CDH15: variants seen among roughly 807,000 people sequenced by gnomAD.
CDH15 encodes the protein cadherin-15.
Under a neutral mutation model 69.4 loss-of-function variants are expected in CDH15, and 73 were observed. That is an observed-to-expected ratio of 1.05 (90% CI 0.87 to 1.28). The LOEUF is 1.28. Ranked by LOEUF, CDH15 falls within the 50% of genes most tolerant of loss-of-function variation. The pLI is 0.00. For missense variants in CDH15, 1,343 were observed against 1,133.6 expected (o/e 1.18, Z -2.65); for synonymous variants, 624 against 507.7 (o/e 1.23, Z -3.08).
intron 5 of CDH15, chr16:89,185,561 G>T: frequency 3.3e-6 from 2 of 611,324 alleles, no homozygotes; most frequent in Non-Finnish European, 5.9e-6. Flanking sequence ...TAGGGCGTGA[G>T]GGGCCCGGCA....
rs1597303869 is a variant in CDH15, at chr16:89,180,436, T to C, written c.357+81T>C. 3 of 1,464,034 alleles carry C rather than the reference T, an allele frequency of 2.0e-6. No individual in the cohort carries two copies. The East Asian group carries it at 7.3e-5, about 36-fold the overall frequency. The allele number at this position is 1,464,034 out of a possible 1,614,324, so 90.7% of individuals were successfully genotyped here. A position where few individuals can be genotyped will look rare whatever the true frequency, so the allele number is the denominator to read the frequency against. ...GTGCCCCTCCTCCCCACCAGGCTTC[T>C]CCTCCCCGCTCGGTGGGCTTCAGGC... On this transcript the variant is annotated intron_variant, in intron 3 of 13. Coordinates refer to ENST00000289746, the MANE Select transcript of CDH15 (RefSeq NM_004933.3).
In CDH15 at chr16:89,193,546, G is replaced by A. The variant is rs1186400135; in HGVS notation, c.1932G>A (p.Gln644=). The change falls in exon 12 of 14, where the codon CAG becomes CAA. Residue 644 remains glutamine, a synonymous_variant. Coordinates refer to ENST00000289746, the MANE Select transcript of CDH15 (RefSeq NM_004933.3). The part of the protein sequence containing the change: ...SRGKGLLHGP[Q]DDLRDNVLNY... ...GCAAGGGGCTGCTGCACGGCCCCCA[G>A]GACGACCTTCGAGACAATGTCCTCA... 6 of 1,611,682 alleles carry A rather than the reference G, an allele frequency of 3.7e-6. No homozygotes were observed. The highest frequency in any genetic ancestry group is 1.1e-5 in the South Asian group (1 of 90,826).
At chr16:89,189,107 GC>G (rs1915574990) in intron 7 of CDH15, among the ~76,000 whole-genome samples, 2 of 130,392 alleles carry the variant, frequency 1.5e-5, no homozygotes, top group Admixed American at 8.0e-5. Flanking sequence ...ACACACAGAT[GC>G]CCACGCACAG....
intron 1 of CDH15, 136 bp from the exon 2 acceptor site, chr16:89,179,280 G>A (rs1915321987): frequency 7.1e-6 from 7 of 984,302 alleles, no homozygotes; most frequent in African/African-American, 1.6e-5. Context: ...GCCGCCTTGC[G>A]CCAATGGGCA....
At chr16:89,174,016 G>T (rs1276248454) in intron 1 of CDH15, among the ~76,000 whole-genome samples, 2 of 152,238 alleles carry the variant, frequency 1.3e-5, no homozygotes, top group East Asian at 3.8e-4. Context: ...CTGGGGGCCA[G>T]GCAGGGGCTC....
chr16:89,187,862 C>G (rs372912978), intron 6 of CDH15, among the ~76,000 whole-genome samples: 10 of 152,154 alleles, frequency 6.6e-5, no homozygotes, highest in African/African-American at 2.2e-4. Flanking sequence ...GAAGGGAGCA[C>G]GAAGCTGAGC....
rs369372071 is a variant in CDH15 at position 89,185,343 on chromosome 16, C to T, written c.663+10C>T. The T allele has an allele frequency of 8.2e-6, 13 of 1,591,174 alleles. No homozygotes were observed. Among genetic ancestry groups the T allele is most frequent in the African/African-American group, 6.7e-5 (5 of 74,668 alleles). ...GGGGCTGGACCGCGAGGTGAGGTGG[C>T]GCCCCGGCAGCTCCACACCCGCACG... is the stretch of plus-strand genomic sequence containing the variant. On this transcript the variant is annotated intron_variant, in intron 5 of 13. Coordinates refer to ENST00000289746, the MANE Select transcript of CDH15 (RefSeq NM_004933.3).
At chr16:89,190,526 G>T in intron 8 of CDH15, 30 bp downstream of exon 8, 1 of 1,571,316 alleles carries the variant, frequency 6.4e-7, no homozygotes, top group Non-Finnish European at 8.6e-7. Flanking sequence ...GGGAGAGGTA[G>T]AGGAGGCTAA....
rs747532135 is a variant in CDH15, at chr16:89,191,404, T to A, written c.1307T>A (p.Val436Glu). 5 of 1,612,772 alleles carry A rather than the reference T, an allele frequency of 3.1e-6. No homozygotes were observed. In the South Asian group the frequency reaches 5.5e-5, roughly 18 times the overall value. The change falls in exon 9 of 14, where the codon GTG becomes GAG. Residue 436 changes from valine (V) to glutamate (E), a missense_variant. Transcript: ENST00000289746. Reference sequence around the variant, plus strand: ...ACTGGCCGGATCCAGACCCAGCACGTGCTCAGCCCGGCGTCCCCCTTCCTC... The same window carrying A: ...ACTGGCCGGATCCAGACCCAGCACGAGCTCAGCCCGGCGTCCCCCTTCCTC... ...AATGRIQTQHVLSPASPFLKG... is the reference protein window; with the variant it reads ...AATGRIQTQHELSPASPFLKG...
rs777395512 is a variant in CDH15, at chr16:89,194,997, T to C, written c.2287T>C (p.Tyr763His). 7 of 1,612,014 alleles carry C rather than the reference T, an allele frequency of 4.3e-6. No individual in the cohort carries two copies. The highest frequency in any genetic ancestry group is 5.9e-6 in the Non-Finnish European group (7 of 1,179,668). ...CAGCCAGGGCGATGAGGACCAGGAC[T>C]ACGACTACCTCAGAGACTGGGGGCC... ...LSSQGDEDQD[Y>H]DYLRDWGPRF... The change falls in exon 14 of 14, where the codon TAC (tyrosine) becomes CAC (histidine). Residue 763 changes from tyrosine to histidine, a missense_variant. Coordinates refer to ENST00000289746, the MANE Select transcript of CDH15 (RefSeq NM_004933.3).
intron 7 of CDH15, among the ~76,000 whole-genome samples, chr16:89,189,310 CCGGCACACACACATGCCGGCACACA>C (rs1915584498): frequency 2.3e-5 from 3 of 132,716 alleles, no homozygotes; most frequent in South Asian, 2.6e-4. Context: ...CACACAGATG[CCGGCACACACACATGCCGGCACACA>C]CAGATGCCCA....
Position 89,195,369 on chromosome 16 carries a change from G to A in CDH15, c.*214G>A, listed in dbSNP as rs1240765312. 1.2e-5 allele frequency: 7 copies of A among 587,250 alleles called. No individual in the cohort carries two copies. The highest frequency in any genetic ancestry group is 1.8e-5 in the Non-Finnish European group (6 of 334,318). 36.4% of individuals were successfully genotyped at this position (587,250 alleles called of 1,614,324 possible). ...GGGGTGGGAAGAGTTTCTCTCCATC[G>A]GCCCCATGCGGGTCACCTCCCTAGT... On this transcript the variant is annotated 3_prime_UTR_variant, in exon 14 of 14. Transcript: ENST00000289746.
rs1255741738 is a variant in CDH15 at position 89,191,726 on chromosome 16, C to T, written c.1447C>T (p.Leu483=). 1.9e-6 allele frequency: 3 copies of T among 1,603,564 alleles called. No individual in the cohort carries two copies. The highest frequency in any genetic ancestry group is 2.7e-5 in the African/African-American group (2 of 74,858). ...ILEVNDHAPV[L]APPPPGSLCS... ...GGAGGTGAACGACCATGCACCTGTG[C>T]TGGCCCCGCCGCCGCCGGGCAGCCT... Residue 483 remains leucine, a synonymous_variant, in exon 10 of 14, where the codon CTG becomes TTG. Coordinates refer to ENST00000289746, the MANE Select transcript of CDH15 (RefSeq NM_004933.3).
At position 89,195,378 on chromosome 16, in the gene CDH15, C is replaced by G; in HGVS notation, c.*223C>G. 6.9e-6 allele frequency: 4 copies of G among 576,272 alleles called. No homozygotes were observed. The highest frequency in any genetic ancestry group is 9.2e-6 in the Non-Finnish European group (3 of 326,146). The allele number at this position is 576,272 out of a possible 1,614,324, so 35.7% of individuals were successfully genotyped here. A position where few individuals can be genotyped will look rare whatever the true frequency, so the allele number is the denominator to read the frequency against. ...AGAGTTTCTCTCCATCGGCCCCATG[C>G]GGGTCACCTCCCTAGTCCCACCTTT... is the stretch of plus-strand genomic sequence containing the variant. On this transcript the variant is annotated 3_prime_UTR_variant, in exon 14 of 14. Coordinates refer to ENST00000289746, the MANE Select transcript of CDH15 (RefSeq NM_004933.3).
At chr16:89,173,661 T>C (rs951035203) in intron 1 of CDH15, among the ~76,000 whole-genome samples, 2 of 152,178 alleles carry the variant, frequency 1.3e-5, no homozygotes, top group African/African-American at 4.8e-5. Context: ...TGGGCAGCCT[T>C]GGGGTCCTGG....
Position 89,180,299 on chromosome 16 carries a change from A to G in CDH15, c.301A>G (p.Thr101Ala). 3 of 1,612,366 alleles carry G rather than the reference A, an allele frequency of 1.9e-6. No homozygotes were observed. The highest frequency in any genetic ancestry group is 2.5e-6 in the Non-Finnish European group (3 of 1,179,452). Residue 101 changes from threonine (T) to alanine (A), a missense_variant, in exon 3 of 14, where the codon ACA becomes GCA. Thr to Ala is a moderately conservative substitution (Grantham distance 58). Coordinates refer to ENST00000289746, the MANE Select transcript of CDH15 (RefSeq NM_004933.3). ...GGGCGTCTTCTCTATCGACAAGTTC[A>G]CAGGGAAGGTCTTCCTCAATGCCAT... ...PRGVFSIDKF[T>A]GKVFLNAMLD...
intron 1 of CDH15, among the ~76,000 whole-genome samples, chr16:89,175,601 C>A (rs948944738): frequency 2.0e-5 from 3 of 152,204 alleles, no homozygotes; most frequent in Admixed American, 6.5e-5. Context: ...TGCCCAGCCA[C>A]GGCCGGAAAC....
intron 3 of CDH15, chr16:89,183,321 G>A: frequency 1.8e-6 from 1 of 554,240 alleles, no homozygotes; most frequent in Non-Finnish European, 3.2e-6. Flanking sequence ...GCCAAGGCAA[G>A]CAGGGAAAGT....
At chr16:89,188,577 G>A (rs1322669559) in intron 7 of CDH15, among the ~76,000 whole-genome samples, 2 of 71,228 alleles carry the variant, frequency 2.8e-5, no homozygotes, top group African/African-American at 6.0e-5. Context: ...CACACATGCC[G>A]GCACACACAG....
Sources: gnomAD v4.1 joint callset for allele counts (sites outside exome capture counted in the v4.1 genomes callset) on GRCh38, gnomAD v4.1.1 for gene constraint, MANE v1.5 for transcripts, NCBI Gene and HGNC (gene_info 2026-07-23, HGNC 2026-07-21) for gene names.